The following CSMD3 variants were observed in gnomAD, a reference collection of about 807,000 sequenced individuals.
The protein encoded by CSMD3 is CUB and Sushi multiple domains 3.
CSMD3 carries 177 observed loss-of-function variants against 435.2 expected under a neutral mutation model. The observed-to-expected ratio is 0.41, with a 90% CI of 0.36 to 0.46. The LOEUF is 0.46. Ranked by LOEUF, CSMD3 falls within the 20% of genes least tolerant of loss-of-function variation. CSMD3 has a pLI of 0.34. For synonymous variants in CSMD3, 1,656 were observed against 1,520.5 expected (o/e 1.09, Z -2.07); for missense variants, 4,265 against 4,504.6 (o/e 0.95, Z 1.52).
intron 22 of CSMD3, among the ~76,000 whole-genome samples, chr8:112,623,584 A>G (rs1172648421): frequency 1.3e-5 from 2 of 151,980 alleles, no homozygotes; most frequent in African/African-American, 4.8e-5. Context: ...TTACATATGT[A>G]TACATGTGCC....
chr8:112,226,029 CTATTGTT>C (rs1266840454), intron 70 of CSMD3, among the ~76,000 whole-genome samples: 4 of 152,118 alleles, frequency 2.6e-5, no homozygotes, highest in African/African-American at 7.2e-5. Context: ...TTTCTCAACT[CTATTGTT>C]TATACTGAAC....
intron 22 of CSMD3, among the ~76,000 whole-genome samples, chr8:112,635,476 G>A (rs1290631222): frequency 6.6e-6 from 1 of 151,792 alleles, no homozygotes; most frequent in Non-Finnish European, 1.5e-5. Context: ...TTCAAATGTG[G>A]CAGTAAGCAG....
chr8:112,928,558 A>C (rs974999841), intron 9 of CSMD3, among the ~76,000 whole-genome samples: 1 of 151,592 alleles, frequency 6.6e-6, no homozygotes, highest in Non-Finnish European at 1.5e-5. Context: ...TGTTCTTGCG[A>C]TAGTTTACTG....
At chr8:113,355,745 T>TACAC (rs1187040972) in intron 1 of CSMD3, among the ~76,000 whole-genome samples, 79 of 91,866 alleles carry the variant, frequency 8.6e-4, no homozygotes, top group African/African-American at 2.1e-3. Flanking sequence ...TATATATATA[T>TACAC]ATATACACAC....
intron 32 of CSMD3, among the ~76,000 whole-genome samples, chr8:112,438,264 T>A (rs575812774): frequency 1.1e-3 from 162 of 152,320 alleles, no homozygotes; most frequent in Non-Finnish European, 2.1e-3. Context: ...AGGTGACTGT[T>A]GCTGAAAACA....
At chr8:112,955,310 T>C (rs867506843) in intron 7 of CSMD3, among the ~76,000 whole-genome samples, 16 of 151,740 alleles carry the variant, frequency 1.1e-4, no homozygotes, top group Non-Finnish European at 2.4e-4. Context: ...CTACAATTGC[T>C]GTTAGTCCAT....
chr8:113,168,471 G>T (rs1221609243), intron 4 of CSMD3, among the ~76,000 whole-genome samples: 1 of 127,952 alleles, frequency 7.8e-6, no homozygotes, highest in Non-Finnish European at 1.6e-5. Flanking sequence ...CAGTAAGCCG[G>T]GATCGTGCCA....
intron 13 of CSMD3, among the ~76,000 whole-genome samples, chr8:112,761,675 C>T (rs1252298230): frequency 6.6e-6 from 1 of 151,910 alleles, no homozygotes; most frequent in African/African-American, 2.4e-5. Flanking sequence ...CTATACTATA[C>T]AAACATTTTT....
chr8:112,901,396 A>G (rs559271098), intron 10 of CSMD3, among the ~76,000 whole-genome samples: 1 of 151,366 alleles, frequency 6.6e-6, no homozygotes, highest in Admixed American at 6.6e-5. Flanking sequence ...TCCCATGAGA[A>G]ACTAGAAATG....
chr8:113,279,617 T>C (rs1295413499), intron 2 of CSMD3, among the ~76,000 whole-genome samples: 10 of 151,912 alleles, frequency 6.6e-5, no homozygotes, highest in African/African-American at 2.4e-4. Context: ...TGGCATGTTG[T>C]GTAATGGGAG....
In CSMD3 at chr8:112,295,928, A is replaced by G. The variant is rs1421335398; in HGVS notation, c.8519T>C (p.Val2840Ala). The G allele has an allele frequency of 6.2e-7, 1 of 1,613,606 alleles. No homozygotes were observed. Among genetic ancestry groups the G allele is most frequent in the East Asian group, 2.2e-5 (1 of 44,832 alleles). ...GENYGYRDTV[V>A]YQCNPGFRLI... ...TCGAAAACCAGGATTACATTGATAT[A>G]CAACTGTGTCTCTATATCCATAATT... Residue 2840 changes from valine to alanine, a missense_variant, in exon 54 of 71, where the codon GTA (valine) becomes GCA (alanine). Val to Ala is a moderately conservative substitution (Grantham distance 64). Transcript: ENST00000297405.
chr8:112,617,498 G>A (rs900461311), intron 22 of CSMD3, among the ~76,000 whole-genome samples: 4 of 152,148 alleles, frequency 2.6e-5, no homozygotes, highest in African/African-American at 7.2e-5. Flanking sequence ...AAGCACATTA[G>A]TAAAGTACAT....
chr8:113,014,384 A>T (rs2086372751), intron 6 of CSMD3, among the ~76,000 whole-genome samples: 1 of 152,026 alleles, frequency 6.6e-6, no homozygotes, highest in Non-Finnish European at 1.5e-5. Context: ...ATTTTAGTCC[A>T]ACTGGCCATC....
At chr8:112,644,740 A>T (rs1469854561) in intron 20 of CSMD3, among the ~76,000 whole-genome samples, 1 of 152,100 alleles carries the variant, frequency 6.6e-6, no homozygotes, top group Non-Finnish European at 1.5e-5. Flanking sequence ...AAATTGGCTT[A>T]GCATATCAGA....
intron 6 of CSMD3, among the ~76,000 whole-genome samples, chr8:112,985,461 A>G (rs941001877): frequency 6.6e-6 from 1 of 152,064 alleles, no homozygotes; most frequent in African/African-American, 2.4e-5. Flanking sequence ...GACTGATAAC[A>G]AGATTGGCAT....
Position 113,181,829 on chromosome 8 carries a change from A to C in CSMD3, c.515-7913T>G, listed in dbSNP as rs368544212. Among the ~76,000 whole-genome samples, 5 of 152,194 alleles carry C rather than the reference A, an allele frequency of 3.3e-5. No individual in the cohort carries two copies. In the South Asian group the frequency reaches 8.3e-4, roughly 25 times the overall value. On this transcript the variant is annotated intron_variant, in intron 3 of 70. Transcript: ENST00000297405. The stretch of plus-strand genomic sequence containing the variant: ...AATGTTGCATTTAGCACAGAGTAGC[A>C]TTTGATAGATTAATTCAGAATAATA...
chr8:112,738,734 G>A (rs188354507), intron 13 of CSMD3, among the ~76,000 whole-genome samples: 11 of 151,696 alleles, frequency 7.3e-5, no homozygotes, highest in Middle Eastern at 3.4e-3. Flanking sequence ...CATTCTTTGC[G>A]TATTTTAAGA....
Position 113,436,603 on chromosome 8 carries a change from G to A in CSMD3, c.178+74C>T, listed in dbSNP as rs2094707988. On this transcript the variant is annotated intron_variant, in intron 1 of 70. Transcript: ENST00000297405. ...TTTATCGGTGCAAATTGCAAAGTAA[G>A]CTGCCAGCCTCTCTCCATCTACAAG... 23 of 1,345,566 alleles carry A rather than the reference G, an allele frequency of 1.7e-5. No homozygotes were observed. The South Asian group carries it at 2.6e-4, about 15-fold the overall frequency. The allele number at this position is 1,345,566 out of a possible 1,614,324, so 83.4% of individuals were successfully genotyped here.
At chr8:112,485,811 A>G (rs1442181171) in intron 31 of CSMD3, among the ~76,000 whole-genome samples, 1 of 152,084 alleles carries the variant, frequency 6.6e-6, no homozygotes, top group East Asian at 1.9e-4. Flanking sequence ...AGCTTGTATC[A>G]TTCCACATAT....
Sources: allele counts gnomAD v4.1 joint callset (sites outside exome capture counted in the v4.1 genomes callset), GRCh38; gene constraint gnomAD v4.1.1; transcripts MANE v1.5; gene names NCBI Gene and HGNC (gene_info 2026-07-23, HGNC 2026-07-21).